DPYD: variants seen among roughly 807,000 people sequenced by gnomAD.
DPYD encodes dihydropyrimidine dehydrogenase [NADP(+)].
In DPYD, 109 loss-of-function variants were observed where a neutral mutation model predicts 116.2. The observed-to-expected ratio is 0.94, with a 90% CI of 0.80 to 1.10. DPYD has a LOEUF of 1.10. DPYD is among the 50% of genes least tolerant of loss of function. The probability of loss-of-function intolerance (pLI) is 0.00; values close to 1 mark genes in which losing one functional copy is unlikely to be tolerated. For missense variants in DPYD, 1,302 were observed against 1,254.5 expected (o/e 1.04, Z -0.57); for synonymous variants, 440 against 432.0 (o/e 1.02, Z -0.23).
chr1:97,609,445 C>T (rs1277201528), intron 8 of DPYD, among the ~76,000 whole-genome samples: 1 of 151,962 alleles, frequency 6.6e-6, no homozygotes, highest in Admixed American at 6.6e-5. Flanking sequence ...CAACATTATA[C>T]AAGCTCAGTA....
chr1:97,101,299 A>T (rs1156482019), intron 20 of DPYD, among the ~76,000 whole-genome samples: 2 of 151,914 alleles, frequency 1.3e-5, no homozygotes, highest in African/African-American at 2.4e-5. Context: ...TAAGTGCTTT[A>T]AAAAATATGT....
intron 20 of DPYD, among the ~76,000 whole-genome samples, chr1:97,154,253 CATCA>C (rs1255564771): frequency 1.3e-5 from 2 of 152,128 alleles, no homozygotes; most frequent in African/African-American, 4.8e-5. Flanking sequence ...CCCAAATGCC[CATCA>C]ATCAATGAGT....
chr1:97,447,905 T>C (rs951859323), intron 14 of DPYD, among the ~76,000 whole-genome samples: 2 of 152,270 alleles, frequency 1.3e-5, no homozygotes, highest in South Asian at 4.2e-4. Context: ...TTTGGGAATT[T>C]ATATTTCATA....
At chr1:97,470,365 T>A (rs1028863838) in intron 13 of DPYD, among the ~76,000 whole-genome samples, 9 of 152,096 alleles carry the variant, frequency 5.9e-5, no homozygotes, top group African/African-American at 2.2e-4. Flanking sequence ...TAAGGTAAAA[T>A]AAAAAAGTGT....
rs916534785 is a variant in DPYD, at chr1:97,529,905, CTTCTT to C, written c.1525-13969_1525-13965del. 9.0e-4 allele frequency among the ~76,000 whole-genome samples: 131 copies of C among 145,888 alleles called. No homozygotes were observed. The Middle Eastern group carries it at 0.029, about 32-fold the overall frequency. ...TTCCTTCTTTCTCCTTCCTCCCTTC[CTTCTT>C]TTCTTTTCTTTCTCTTTCTTTCCTT... On this transcript the variant is annotated intron_variant, in intron 12 of 22. Coordinates refer to ENST00000370192, the MANE Select transcript of DPYD (RefSeq NM_000110.4).
chr1:97,917,906 T>C (rs2101721397), intron 1 of DPYD, among the ~76,000 whole-genome samples: 1 of 152,282 alleles, frequency 6.6e-6, no homozygotes, highest in South Asian at 2.1e-4. Context: ...TCCTTTCAAG[T>C]GTGCAGATAT....
intron 5 of DPYD, among the ~76,000 whole-genome samples, chr1:97,711,693 G>A (rs1371828266): frequency 6.6e-6 from 1 of 151,862 alleles, no homozygotes; most frequent in African/African-American, 2.4e-5. Context: ...TACAAATTTT[G>A]AGTAAATTTA....
chr1:97,549,749 A>G lies in DPYD; in HGVS notation c.1340-5T>C, dbSNP rs374368014. ...TAGGGCTCAAGGCTTCTTTTACTGA[A>G]AAAACAAGTGAAAAACAATAGACAA... is the stretch of plus-strand genomic sequence containing the variant. On this transcript the variant is annotated splice_polypyrimidine_tract_variant and splice_region_variant and intron_variant, in intron 11 of 22. Coordinates refer to ENST00000370192, the MANE Select transcript of DPYD (RefSeq NM_000110.4). 1.9e-6 allele frequency: 3 copies of G among 1,612,720 alleles called. No individual in the cohort carries two copies. The African/African-American group carries it at 4.0e-5, about 22-fold the overall frequency.
intron 8 of DPYD, among the ~76,000 whole-genome samples, chr1:97,675,939 G>A (rs969084198): frequency 2.6e-5 from 4 of 152,006 alleles, no homozygotes; most frequent in Admixed American, 6.6e-5. Context: ...AGTAGAGACG[G>A]GGTTTCACCA....
intron 20 of DPYD, among the ~76,000 whole-genome samples, chr1:97,104,552 C>T (rs560440623): frequency 1.3e-5 from 2 of 152,122 alleles, no homozygotes; most frequent in African/African-American, 4.8e-5. Context: ...GTATCTAACG[C>T]AGGCTGAGGG....
At chr1:97,628,520 T>C (rs1252441534) in intron 8 of DPYD, among the ~76,000 whole-genome samples, 1 of 152,092 alleles carries the variant, frequency 6.6e-6, no homozygotes, top group Non-Finnish European at 1.5e-5. Flanking sequence ...CCATCAAGCA[T>C]GTAGTAATAT....
At chr1:97,524,564 T>C (rs201602094) in intron 12 of DPYD, among the ~76,000 whole-genome samples, 2 of 152,176 alleles carry the variant, frequency 1.3e-5, no homozygotes, top group East Asian at 3.9e-4. Flanking sequence ...CCCACAAAGT[T>C]CTGAGGCCAA....
At chr1:97,375,152 C>T (rs1284624482) in intron 15 of DPYD, among the ~76,000 whole-genome samples, 1 of 151,098 alleles carries the variant, frequency 6.6e-6, no homozygotes, top group East Asian at 1.9e-4. Context: ...GTTTATTTTT[C>T]GGTAAGGCCA....
intron 18 of DPYD, among the ~76,000 whole-genome samples, chr1:97,301,456 T>C (rs1359574555): frequency 6.6e-6 from 1 of 152,004 alleles, no homozygotes; most frequent in African/African-American, 2.4e-5. Context: ...GTAAATTATA[T>C]TGAGCCTAAA....
chr1:97,650,369 T>G (rs201248744), intron 8 of DPYD, among the ~76,000 whole-genome samples: 1 of 152,170 alleles, frequency 6.6e-6, no homozygotes, highest in African/African-American at 2.4e-5. Flanking sequence ...TTGTAATGTA[T>G]TCAATCATTC....
chr1:97,711,762 ATTT>A (rs1221878603), intron 5 of DPYD, among the ~76,000 whole-genome samples: 1 of 151,572 alleles, frequency 6.6e-6, no homozygotes, highest in Non-Finnish European at 1.5e-5. Context: ...TTTTATTATT[ATTT>A]TTATCTTCCA....
At chr1:97,130,214 T>G (rs574704358) in intron 20 of DPYD, among the ~76,000 whole-genome samples, 81 of 152,338 alleles carry the variant, frequency 5.3e-4, no homozygotes, top group Non-Finnish European at 1.0e-3. Context: ...GAGATCTGGT[T>G]AGCTGGAGAG....
chr1:97,603,015 C>G (rs1003458303), intron 8 of DPYD, among the ~76,000 whole-genome samples: 2 of 151,884 alleles, frequency 1.3e-5, no homozygotes, highest in African/African-American at 4.8e-5. Flanking sequence ...TCTCTTGAGC[C>G]TTTTCTCTTC....
chr1:97,104,486 T>G (rs1439822718), intron 20 of DPYD, among the ~76,000 whole-genome samples: 1 of 151,322 alleles, frequency 6.6e-6, no homozygotes, highest in Non-Finnish European at 1.5e-5. Context: ...ACAATTGCAA[T>G]ACCCTGTGGG....
Sources: allele counts gnomAD v4.1 joint callset (sites outside exome capture counted in the v4.1 genomes callset), GRCh38; gene constraint gnomAD v4.1.1; transcripts MANE v1.5; gene names NCBI Gene and HGNC (gene_info 2026-07-23, HGNC 2026-07-21).